SH3PXD2A: variants seen among roughly 807,000 people sequenced by gnomAD.
SH3PXD2A encodes SH3 and PX domain-containing protein 2A.
A neutral mutation model predicts 115.2 loss-of-function variants in SH3PXD2A; 32 were observed. The observed-to-expected ratio is 0.28, with a 90% CI of 0.21 to 0.37. The LOEUF (loss-of-function observed/expected upper bound fraction) is 0.37, where lower values mean the gene tolerates loss of function less well. SH3PXD2A is among the 10% of genes least tolerant of loss of function. SH3PXD2A has a pLI of 1.00. For synonymous variants in SH3PXD2A, 610 were observed against 629.1 expected (o/e 0.97, Z 0.45); for missense variants, 1,328 against 1,498.7 (o/e 0.89, Z 1.88).
Position 103,603,358 on chromosome 10 carries a change from A to G in SH3PXD2A, c.1860T>C (p.Tyr620=). 1 of 1,614,186 alleles carries G rather than the reference A, an allele frequency of 6.2e-7. No homozygotes were observed. The change falls in exon 15 of 15, where the codon TAT becomes TAC. Residue 620 remains tyrosine, a synonymous_variant. Transcript: ENST00000369774. ...CATATGGCCGGAAGCCCTCATTCTC[A>G]TAGATGGTCTCCTCTTCCAGGGCCA... ...EDVALEEETI[Y]ENEGFRPYAE... is the part of the protein sequence containing the mutation.
intron 2 of SH3PXD2A, among the ~76,000 whole-genome samples, chr10:103,775,059 C>T (rs1411315095): frequency 3.9e-5 from 6 of 152,064 alleles, no homozygotes; most frequent in South Asian, 2.1e-4. Context: ...AGGGAGAGAG[C>T]GAGAGGAGAG....
intron 4 of SH3PXD2A, among the ~76,000 whole-genome samples, chr10:103,729,711 T>C (rs1048731969): frequency 5.3e-5 from 8 of 152,114 alleles, no homozygotes; most frequent in Non-Finnish European, 7.4e-5. Flanking sequence ...TCTGCAGAAA[T>C]GGCATGCAGG....
intron 1 of SH3PXD2A, among the ~76,000 whole-genome samples, chr10:103,823,140 T>A (rs1233045299): frequency 6.6e-6 from 1 of 152,192 alleles, no homozygotes; most frequent in African/African-American, 2.4e-5. Context: ...TTCAAAGATG[T>A]TTTTGGCAGG....
chr10:103,629,157 G>C (rs1366456521), intron 8 of SH3PXD2A, among the ~76,000 whole-genome samples: 1 of 152,218 alleles, frequency 6.6e-6, no homozygotes, highest in Non-Finnish European at 1.5e-5. Context: ...TCTGAGGCTG[G>C]AAGAGGGCAG....
chr10:103,716,955 C>A (rs1349813943), intron 5 of SH3PXD2A, among the ~76,000 whole-genome samples: 1 of 152,210 alleles, frequency 6.6e-6, no homozygotes, highest in Non-Finnish European at 1.5e-5. Flanking sequence ...TGTCCCCATC[C>A]CACCATGATG....
intron 13 of SH3PXD2A, among the ~76,000 whole-genome samples, chr10:103,607,527 TG>T (rs1166788620): frequency 7.6e-6 from 1 of 130,934 alleles, no homozygotes; most frequent in Non-Finnish European, 1.6e-5. Flanking sequence ...GGGAGGGAGG[TG>T]GGGGGGTCAG....
chr10:103,809,569 A>T (rs956347383), intron 1 of SH3PXD2A, among the ~76,000 whole-genome samples: 2 of 152,126 alleles, frequency 1.3e-5, no homozygotes, highest in Non-Finnish European at 2.9e-5. Flanking sequence ...TACAGTAGGG[A>T]GCATCCTTCA....
At chr10:103,688,847 T>C (rs145227157) in intron 6 of SH3PXD2A, among the ~76,000 whole-genome samples, 7 of 152,188 alleles carry the variant, frequency 4.6e-5, no homozygotes, top group South Asian at 2.1e-4. Context: ...CTTTCCCTTC[T>C]TCCCTCCCTC....
Position 103,665,795 on chromosome 10 carries a change from C to T in SH3PXD2A, c.472+2813G>A, listed in dbSNP as rs761834813. Reference sequence around the variant, plus strand: ...GGAGTCTGCCTGAGTGGGGAGGGGGCAGTGGAGGGAGCCTGGTGTCTTTAG... The same window carrying T: ...GGAGTCTGCCTGAGTGGGGAGGGGGTAGTGGAGGGAGCCTGGTGTCTTTAG... On this transcript the variant is annotated intron_variant, in intron 7 of 14. Coordinates refer to ENST00000369774, the MANE Select transcript of SH3PXD2A (RefSeq NM_001394015.1). This position sits in a 1 kb window ranked among gnomAD's most constrained non-coding sequence, Gnocchi z 4.0. Among the ~76,000 whole-genome samples the T allele has an allele frequency of 2.6e-5, 4 of 152,100 alleles. No individual in the cohort carries two copies. Among genetic ancestry groups the T allele is most frequent in the Non-Finnish European group, 5.9e-5 (4 of 67,988 alleles).
intron 8 of SH3PXD2A, 84 bp downstream of exon 8, chr10:103,660,898 TG>T: frequency 1.4e-6 from 2 of 1,390,000 alleles, no homozygotes; most frequent in Non-Finnish European, 2.0e-6. Context: ...GCTGCAGCGG[TG>T]GGGGAGGAGG....
intron 2 of SH3PXD2A, among the ~76,000 whole-genome samples, chr10:103,776,521 T>C (rs556093076): frequency 6.7e-6 from 1 of 150,340 alleles, no homozygotes; most frequent in South Asian, 2.1e-4. Flanking sequence ...TACCACAAAC[T>C]AGGTGTCTTA....
chr10:103,836,620 T>A (rs1479913309), intron 1 of SH3PXD2A, among the ~76,000 whole-genome samples: 1 of 149,192 alleles, frequency 6.7e-6, no homozygotes, highest in Non-Finnish European at 1.5e-5. Flanking sequence ...CACAGACATG[T>A]CCATACACAT....
chr10:103,805,083 G>C (rs1317069572), intron 1 of SH3PXD2A, among the ~76,000 whole-genome samples: 1 of 152,198 alleles, frequency 6.6e-6, no homozygotes, highest in Non-Finnish European at 1.5e-5. Flanking sequence ...GCCTTTCTCC[G>C]GAACCAACCA....
intron 1 of SH3PXD2A, among the ~76,000 whole-genome samples, chr10:103,801,753 G>C (rs1458842691): frequency 1.3e-5 from 2 of 152,200 alleles, no homozygotes; most frequent in Non-Finnish European, 2.9e-5. Context: ...GTCCAGGCTA[G>C]AGTGCAGTGG....
At chr10:103,645,979 T>G (rs1370409583) in intron 8 of SH3PXD2A, among the ~76,000 whole-genome samples, 1 of 152,198 alleles carries the variant, frequency 6.6e-6, no homozygotes, top group Non-Finnish European at 1.5e-5. Context: ...CCTTCTTAAC[T>G]GTAAAATAGG....
chr10:103,726,521 G>T (rs767787891), intron 4 of SH3PXD2A, among the ~76,000 whole-genome samples: 1 of 152,142 alleles, frequency 6.6e-6, no homozygotes, highest in Non-Finnish European at 1.5e-5. Context: ...TGATTTCTGT[G>T]TCCCCAGATC....
At chr10:103,750,587 T>A (rs545785315) in intron 3 of SH3PXD2A, among the ~76,000 whole-genome samples, 1 of 152,298 alleles carries the variant, frequency 6.6e-6, no homozygotes, top group African/African-American at 2.4e-5. Context: ...TGAGCGATTC[T>A]CATGTACCTC....
Position 103,594,936 on chromosome 10 carries a change from G to T in SH3PXD2A, c.*6880C>A, listed in dbSNP as rs1197867524. 6.6e-6 allele frequency: 1 copy of T among 152,186 alleles called. No individual in the cohort carries two copies. Among genetic ancestry groups the T allele is most frequent in the Non-Finnish European group, 1.5e-5 (1 of 68,030 alleles). 9.4% of individuals were successfully genotyped at this position (152,186 alleles called of 1,614,324 possible). A position where few individuals can be genotyped will look rare whatever the true frequency, so the allele number is the denominator to read the frequency against. Reference sequence around the variant, plus strand: ...ATGTGCCCAATGGAGTCTGAACTCTGGTTCTAATTTGTGGAGGTGGGTCCC... The same window carrying T: ...ATGTGCCCAATGGAGTCTGAACTCTTGTTCTAATTTGTGGAGGTGGGTCCC... On this transcript the variant is annotated 3_prime_UTR_variant, in exon 15 of 15. Transcript: ENST00000369774.
intron 1 of SH3PXD2A, among the ~76,000 whole-genome samples, chr10:103,824,192 T>G (rs561638932): frequency 6.6e-6 from 1 of 151,818 alleles, no homozygotes; most frequent in Non-Finnish European, 1.5e-5. Context: ...AAGGGGAGGG[T>G]GGGCAGGCAT....
Sources: gnomAD v4.1 joint callset for allele counts (sites outside exome capture counted in the v4.1 genomes callset) on GRCh38, gnomAD v4.1.1 for gene constraint, Gnocchi (gnomAD v3.1) non-coding constraint, MANE v1.5 for transcripts, NCBI Gene and HGNC (gene_info 2026-07-23, HGNC 2026-07-21) for gene names.